Variants in PPAT observed in about 807,000 individuals in gnomAD.
PPAT encodes the protein amidophosphoribosyltransferase.
A neutral mutation model predicts 60.2 loss-of-function variants in PPAT; 20 were observed. The ratio of observed to expected loss-of-function variants is 0.33; its 90% CI spans 0.23 to 0.48. The LOEUF (loss-of-function observed/expected upper bound fraction) is 0.48, where lower values mean the gene tolerates loss of function less well. Among genes scored for constraint, PPAT ranks in the 20% least tolerant of loss-of-function variants. The pLI is 0.99. For missense variants in PPAT, 349 were observed against 629.6 expected, an observed-to-expected ratio of 0.55 and a Z score of 4.77; for synonymous variants, 194 against 215.1, an observed-to-expected ratio of 0.90 and a Z score of 0.86.
At chr4:56,414,887 T>A (rs1716642452) in intron 1 of PPAT, among the ~76,000 whole-genome samples, 1 of 152,244 alleles carries the variant, frequency 6.6e-6, no homozygotes, top group Admixed American at 6.5e-5. Flanking sequence ...GACAACATTT[T>A]AGCCTAAAGC....
chr4:56,410,814 C>T, intron 1 of PPAT: 2 of 981,142 alleles, frequency 2.0e-6, no homozygotes, highest in African/African-American at 3.6e-5. Flanking sequence ...CAGTATGAAC[C>T]TGCCACACAA....
intron 6 of PPAT, 74 bp downstream of exon 6, chr4:56,402,035 T>A: frequency 8.4e-7 from 1 of 1,195,386 alleles, no homozygotes; most frequent in Non-Finnish European, 1.2e-6. Flanking sequence ...AACTTTCACA[T>A]AAATAAGAAA....
At chr4:56,421,567 C>A (rs1717038907) in intron 1 of PPAT, 1 of 152,134 alleles carries the variant, frequency 6.6e-6, no homozygotes, top group Admixed American at 6.5e-5. Flanking sequence ...CACAGTGTCT[C>A]CGGATTTTAT....
At chr4:56,419,825 CAG>C in intron 1 of PPAT, 3 of 983,574 alleles carry the variant, frequency 3.1e-6, no homozygotes, top group South Asian at 4.7e-5. Context: ...TTGGAATAGA[CAG>C]AGACTGGAAA....
chr4:56,406,078 A>C (rs2110040537), intron 3 of PPAT, among the ~76,000 whole-genome samples: 1 of 152,328 alleles, frequency 6.6e-6, no homozygotes, highest in Middle Eastern at 3.4e-3. Flanking sequence ...CTGGTATAAG[A>C]AACCCCCCTA....
At chr4:56,430,218 TA>T (rs765108261) in intron 1 of PPAT, among the ~76,000 whole-genome samples, 3 of 152,240 alleles carry the variant, frequency 2.0e-5, no homozygotes, top group Non-Finnish European at 4.4e-5. Flanking sequence ...TCAATGGACA[TA>T]TGTATGCATT....
At chr4:56,432,923 C>T (rs1324167531) in intron 1 of PPAT, among the ~76,000 whole-genome samples, 7 of 150,932 alleles carry the variant, frequency 4.6e-5, no homozygotes, top group Non-Finnish European at 1.0e-4. Flanking sequence ...AAAGTGAAAA[C>T]AGAGCTTTCT....
chr4:56,410,899 T>TAAAAA lies in PPAT; in HGVS notation c.129-3188_129-3184dup, dbSNP rs35668849. ...GTACAGCCCCAGAGACCACTGAAGGTAAAAAAAAAAAAAAAAAAAAAAAAA... is the reference window on the plus strand; with the variant it reads ...GTACAGCCCCAGAGACCACTGAAGGTAAAAAAAAAAAAAAAAAAAAAAAAAAAAAA... On this transcript the variant is annotated intron_variant, in intron 1 of 10. Transcript: ENST00000264220. The TAAAAA allele has an allele frequency of 1.8e-4, 120 of 678,534 alleles. 3 individuals carry two copies. Among genetic ancestry groups the TAAAAA allele is most frequent in the East Asian group, 7.5e-4 (3 of 3,974 alleles). The allele number at this position is 678,534 out of a possible 1,614,324, so 42.0% of individuals were successfully genotyped here. A position where few individuals can be genotyped will look rare whatever the true frequency, so the allele number is the denominator to read the frequency against.
intron 1 of PPAT, among the ~76,000 whole-genome samples, chr4:56,431,802 G>T (rs142074023): frequency 5.2e-4 from 79 of 152,288 alleles, no homozygotes; most frequent in African/African-American, 1.9e-3. Flanking sequence ...TTTATTCTAA[G>T]AAGGGGTGTC....
intron 5 of PPAT, 105 bp downstream of exon 5, chr4:56,402,935 C>T: frequency 9.7e-7 from 1 of 1,028,642 alleles, no homozygotes; most frequent in Non-Finnish European, 1.4e-6. Flanking sequence ...TACCTAGCTC[C>T]CTCCCACCCA....
Position 56,396,612 on chromosome 4 carries a change from T to C in PPAT, c.1357+7A>G. ...TAATCAAAGTTTATAGAAATTTTAATACTTACCTAGATATTCTGCAAGGTG... is the reference window on the plus strand; with the variant it reads ...TAATCAAAGTTTATAGAAATTTTAACACTTACCTAGATATTCTGCAAGGTG... On this transcript the variant is annotated splice_region_variant and intron_variant, in intron 10 of 10. Coordinates refer to ENST00000264220, the MANE Select transcript of PPAT (RefSeq NM_002703.5). This position sits in a 1 kb window ranked among gnomAD's most constrained non-coding sequence, Gnocchi z 4.6. 2 of 1,597,616 alleles carry C rather than the reference T, an allele frequency of 1.3e-6. No individual in the cohort carries two copies. The highest frequency in any genetic ancestry group is 1.7e-6 in the Non-Finnish European group (2 of 1,169,646).
rs550124638 is a variant in PPAT at position 56,399,241 on chromosome 4, T to C, written c.1174A>G (p.Ile392Val). 29 of 1,614,020 alleles carry C rather than the reference T, an allele frequency of 1.8e-5. No individual in the cohort carries two copies. The South Asian group carries it at 2.4e-4, about 13-fold the overall frequency. The part of the protein sequence containing the change: ...GKRIVLVDDS[I>V]VRGNTISPII... ...GGTGAGATGGTATTGCCTCTGACAA[T>C]TGAATCATCTACAAGAACAATTCTT... Residue 392 changes from isoleucine to valine, a missense_variant, in exon 9 of 11, where the codon ATT becomes GTT. Transcript: ENST00000264220.
intron 1 of PPAT, chr4:56,410,406 T>TAA: frequency 2.2e-6 from 1 of 460,370 alleles, no homozygotes; most frequent in Non-Finnish European, 2.9e-6. Context: ...TTGAACCAGT[T>TAA]AAACTACATC....
chr4:56,401,448 C>T lies in PPAT; in HGVS notation c.768G>A (p.Val256=), dbSNP rs762293406. The change falls in exon 7 of 11, where the codon GTG becomes GTA. Residue 256 remains valine (V), a synonymous_variant. Transcript: ENST00000264220. ...YYREVLPGEI[V]EISRHNVQTL... ...TTTGGACATTGTGTCTGGATATTTC[C>T]ACAATTTCTCCAGGCAAGACTTCAC... 13 of 1,604,622 alleles carry T rather than the reference C, an allele frequency of 8.1e-6. No homozygotes were observed. In the African/African-American group the frequency reaches 1.5e-4, roughly 18 times the overall value.
intron 10 of PPAT, 99 bp from the exon 11 acceptor site, chr4:56,395,647 G>T: frequency 6.2e-6 from 5 of 809,446 alleles, no homozygotes; most frequent in Non-Finnish European, 8.4e-6. Flanking sequence ...ATTTAAGCTA[G>T]GATAAATTTC....
chr4:56,409,421 C>A (rs1716349201), intron 1 of PPAT, among the ~76,000 whole-genome samples: 1 of 152,132 alleles, frequency 6.6e-6, no homozygotes. Flanking sequence ...TGCCTTTCTG[C>A]ATTTTCCAAA....
At chr4:56,429,957 AT>A (rs1376998512) in intron 1 of PPAT, among the ~76,000 whole-genome samples, 1 of 152,164 alleles carries the variant, frequency 6.6e-6, no homozygotes, top group African/African-American at 2.4e-5. Context: ...AGAATAGTCC[AT>A]TGTAAAAATA....
In PPAT at chr4:56,406,592, A is replaced by C; in HGVS notation, c.305T>G (p.Leu102Arg). The C allele has an allele frequency of 6.2e-7, 1 of 1,613,698 alleles. No homozygotes were observed. The highest frequency in any genetic ancestry group is 8.5e-7 in the Non-Finnish European group (1 of 1,179,714). ...AACAACGAAGGGCTGACAATTTTCTAGTTCACATTTTCCTGTGGTGGCATA... is the reference window on the plus strand; with the variant it reads ...AACAACGAAGGGCTGACAATTTTCTCGTTCACATTTTCCTGTGGTGGCATA... ...TRYATTGKCE[L>R]ENCQPFVVET... The change falls in exon 3 of 11, where the codon CTA becomes CGA. Residue 102 changes from leucine (L) to arginine (R), a missense_variant. By Grantham distance (102) the Leu-to-Arg change is moderately radical. Around this residue, in one of 5 missense-constraint regions of PPAT, gnomAD observed 115 missense variants for 174.5 expected, o/e 0.66. Coordinates refer to ENST00000264220, the MANE Select transcript of PPAT (RefSeq NM_002703.5).
At chr4:56,430,245 C>A (rs1011645948) in intron 1 of PPAT, among the ~76,000 whole-genome samples, 1 of 152,102 alleles carries the variant, frequency 6.6e-6, no homozygotes, top group Non-Finnish European at 1.5e-5. Context: ...TGAATACATA[C>A]CCAGAAGTGG....
Sources: gnomAD v4.1 joint callset for allele counts (sites outside exome capture counted in the v4.1 genomes callset) on GRCh38, gnomAD v4.1.1 for gene constraint, gnomAD v4.1.1 regional missense constraint, Gnocchi (gnomAD v3.1) non-coding constraint, MANE v1.5 for transcripts, NCBI Gene and HGNC (gene_info 2026-07-23, HGNC 2026-07-21) for gene names.